Variants in MASP1 observed in about 807,000 individuals in gnomAD.
MASP1 encodes MBL associated serine protease 1, also known as mannan-binding lectin serine protease 1.
MASP1 carries 59 observed loss-of-function variants against 77.1 expected under a neutral mutation model. The ratio of observed to expected loss-of-function variants is 0.77; its 90% CI spans 0.62 to 0.95. The LOEUF (loss-of-function observed/expected upper bound fraction) is 0.95, where lower values mean the gene tolerates loss of function less well. MASP1 is among the 40% of genes least tolerant of loss of function. The probability of loss-of-function intolerance (pLI) is 0.00; values close to 1 mark genes in which losing one functional copy is unlikely to be tolerated. For synonymous variants in MASP1, 362 were observed against 354.5 expected (o/e 1.02, Z -0.24); for missense variants, 885 against 912.9 (o/e 0.97, Z 0.39).
chr3:187,218,969 C>T (rs1293992843), exon 16 of MASP1: 5 of 152,156 alleles, frequency 3.3e-5, no homozygotes, highest in Non-Finnish European at 7.3e-5. Flanking sequence ...CTACCAGGGC[C>T]CACCTCATGC....
At chr3:187,246,940 T>G in intron 8 of MASP1, 8 of 1,077,414 alleles carry the variant, frequency 7.4e-6, no homozygotes, top group Non-Finnish European at 9.0e-6. Context: ...CATTTAAACT[T>G]GACATGTAGA....
At chr3:187,244,984 C>T (rs184999839) in intron 8 of MASP1, 27 of 152,264 alleles carry the variant, frequency 1.8e-4, no homozygotes, top group African/African-American at 2.9e-4. Context: ...CAAGTCCCTC[C>T]GGGTTGGAGG....
intron 2 of MASP1, 63 bp downstream of exon 2, chr3:187,285,762 A>T: frequency 7.6e-7 from 1 of 1,316,098 alleles, no homozygotes; most frequent in South Asian, 1.2e-5. Context: ...GTCTAATTTC[A>T]TATTGCCTTG....
intron 4 of MASP1, among the ~76,000 whole-genome samples, chr3:187,258,353 G>A (rs710463): frequency 0.98 from 149,409 of 152,324 alleles, 73,331 homozygotes; most frequent in Middle Eastern, 1. Flanking sequence ...CATCCTGAAA[G>A]GACGTTTAGA....
intron 11 of MASP1, among the ~76,000 whole-genome samples, chr3:187,226,992 A>G (rs1047255999): frequency 2.6e-5 from 4 of 152,004 alleles, no homozygotes; most frequent in African/African-American, 9.7e-5. Flanking sequence ...TTTTAACAAG[A>G]CTCTCCAGTA....
intron 10 of MASP1, among the ~76,000 whole-genome samples, chr3:187,237,055 G>A (rs967008907): frequency 2.0e-5 from 3 of 152,188 alleles, no homozygotes; most frequent in African/African-American, 7.2e-5. Context: ...CACAGCAAAC[G>A]CTAGACTGGG....
chr3:187,235,118 C>T lies in MASP1; in HGVS notation c.*566G>A, dbSNP rs1462529214. 7.8e-7 allele frequency: 1 copy of T among 1,287,236 alleles called. No homozygotes were observed. Among genetic ancestry groups the T allele is most frequent in the African/African-American group, 1.5e-5 (1 of 65,810 alleles). 79.7% of individuals were successfully genotyped at this position (1,287,236 alleles called of 1,614,324 possible). The stretch of plus-strand genomic sequence containing the variant: ...GAGAGAAACCCCAGGCATGAAGGTG[C>T]TCCAAGGGATCACACTAAGAGAGAG... On this transcript the variant is annotated 3_prime_UTR_variant, in exon 11 of 11. Transcript: ENST00000296280.
chr3:187,227,775 G>A (rs1712522306), intron 11 of MASP1, among the ~76,000 whole-genome samples: 1 of 152,172 alleles, frequency 6.6e-6, no homozygotes, highest in South Asian at 2.1e-4. Context: ...AGCCTGCCTT[G>A]GTCTGGGGCT....
chr3:187,219,156 G>C (rs1270825623), exon 16 of MASP1: 1 of 152,258 alleles, frequency 6.6e-6, no homozygotes, highest in African/African-American at 2.4e-5. Flanking sequence ...CTGCATCAAA[G>C]TTCCTTTGAA....
chr3:187,217,999 T>A (rs931622744), exon 16 of MASP1: 5 of 152,168 alleles, frequency 3.3e-5, no homozygotes, highest in African/African-American at 9.7e-5. Flanking sequence ...GGAGCTGGTA[T>A]AATAAAGGAC....
At chr3:187,241,594 T>C (rs1374441649) in intron 9 of MASP1, 39 bp from the exon 10 acceptor site, 1 of 1,356,718 alleles carries the variant, frequency 7.4e-7, no homozygotes, top group Admixed American at 1.7e-5. Flanking sequence ...AGGGAGAAAA[T>C]GGTTGATTTG....
At chr3:187,225,320 G>A (rs753387721) in intron 13 of MASP1, 1 of 1,612,734 alleles carries the variant, frequency 6.2e-7, no homozygotes, top group Non-Finnish European at 8.5e-7. Flanking sequence ...GTAGGGGAAA[G>A]TACCTTCCTG....
Position 187,291,518 on chromosome 3 carries a change from C to T in MASP1, c.5+110G>A, listed in dbSNP as rs534724911. The T allele has an allele frequency of 7.8e-4, 1,117 of 1,423,136 alleles. 8 individuals carry two copies. The Admixed American group carries it at 0.011, about 15-fold the overall frequency. The allele number at this position is 1,423,136 out of a possible 1,614,324, so 88.2% of individuals were successfully genotyped here. A position where few individuals can be genotyped will look rare whatever the true frequency, so the allele number is the denominator to read the frequency against. ...GAATTGATGAGAAAGCCCCTCACTA[C>T]CACATGCAGGACACGCAGGTGAGTC... On this transcript the variant is annotated intron_variant, in intron 1 of 10. Coordinates refer to ENST00000296280, the MANE Select transcript of MASP1 (RefSeq NM_139125.4).
chr3:187,241,389 G>T, intron 10 of MASP1, 92 bp downstream of exon 10: 1 of 974,834 alleles, frequency 1.0e-6, no homozygotes, highest in Non-Finnish European at 1.7e-6. Context: ...CACCTCCCCT[G>T]TCCCCCATCA....
chr3:187,223,473 G>A (rs1008339542), intron 13 of MASP1, among the ~76,000 whole-genome samples: 6 of 152,184 alleles, frequency 3.9e-5, no homozygotes, highest in African/African-American at 1.4e-4. Context: ...GGGTCCATGA[G>A]AGCAGAATCT....
intron 2 of MASP1, among the ~76,000 whole-genome samples, chr3:187,273,915 A>G (rs1716736927): frequency 1.3e-5 from 2 of 152,228 alleles, no homozygotes; most frequent in Admixed American, 1.3e-4. Flanking sequence ...ATAAAAAAAG[A>G]GTAATAATAA....
Position 187,260,832 on chromosome 3 carries a change from G to A in MASP1, c.456C>T (p.Ser152=), listed in dbSNP as rs774573732. 1.2e-6 allele frequency: 2 copies of A among 1,614,154 alleles called. No individual in the cohort carries two copies. The highest frequency in any genetic ancestry group is 1.7e-5 in the Admixed American group (1 of 60,026). Residue 152 remains serine (S), a synonymous_variant, in exon 4 of 11, where the codon TCC becomes TCT. Coordinates refer to ENST00000296280, the MANE Select transcript of MASP1 (RefSeq NM_139125.4). The stretch of plus-strand genomic sequence containing the variant: ...TGTAGTTGTGGCAGTAGTGGTCACA[G>A]GACAGCTCCTCGTCCTCCCTCTCCT... ...ECKEREDEEL[S]CDHYCHNYIG...
chr3:187,226,402 C>G, intron 12 of MASP1: 1 of 1,600,972 alleles, frequency 6.2e-7, no homozygotes, highest in South Asian at 1.1e-5. Context: ...CCCTCACTCA[C>G]TCACCCAGGA....
At chr3:187,263,199 G>C (rs1428952873) in intron 2 of MASP1, 1 of 174,880 alleles carries the variant, frequency 5.7e-6, no homozygotes, top group Non-Finnish European at 1.2e-5. Flanking sequence ...CAATAGCAGT[G>C]TTGAGATTGA....
Sources: allele counts gnomAD v4.1 joint callset (sites outside exome capture counted in the v4.1 genomes callset), GRCh38; gene constraint gnomAD v4.1.1; transcripts MANE v1.5; gene names NCBI Gene and HGNC (gene_info 2026-07-23, HGNC 2026-07-21).